Variants in ABCA8 observed in about 807,000 individuals in gnomAD.
ABCA8 encodes the protein ATP binding cassette subfamily A member 8, also known as ABC-type organic anion transporter ABCA8.
In ABCA8, 177 loss-of-function variants were observed where a neutral mutation model predicts 192.3. That is an observed-to-expected ratio of 0.92 (90% CI 0.81 to 1.04). The LOEUF (loss-of-function observed/expected upper bound fraction) is 1.04, where lower values mean the gene tolerates loss of function less well. ABCA8 is among the 50% of genes least tolerant of loss of function. The probability of loss-of-function intolerance (pLI) is 0.00; values close to 1 mark genes in which losing one functional copy is unlikely to be tolerated. For synonymous variants in ABCA8, 642 were observed against 690.2 expected (o/e 0.93, Z 1.09); for missense variants, 1,915 against 1,904.8 (o/e 1.01, Z -0.10).
At chr17:68,922,436 G>T in intron 11 of ABCA8, 136 bp from the exon 12 acceptor site, 1 of 592,364 alleles carries the variant, frequency 1.7e-6, no homozygotes, top group Non-Finnish European at 2.8e-6. Flanking sequence ...AGTCATAGCT[G>T]TGTGACAGAA....
intron 2 of ABCA8, among the ~76,000 whole-genome samples, chr17:68,943,409 T>C (rs531743746): frequency 3.9e-5 from 6 of 152,338 alleles, no homozygotes; most frequent in Admixed American, 2.6e-4. Context: ...ATTTGTACTA[T>C]GATAGGAAGT....
intron 36 of ABCA8, 107 bp from the exon 37 acceptor site, chr17:68,875,507 C>T (rs2081374918): frequency 3.1e-6 from 5 of 1,590,100 alleles, no homozygotes; most frequent in Non-Finnish European, 4.3e-6. Context: ...TATTGTTAGA[C>T]CTGGGCACAG....
Position 68,884,359 on chromosome 17 carries a change from T to C in ABCA8, c.3587A>G (p.Asp1196Gly), listed in dbSNP as rs1301230633. 2.5e-6 allele frequency: 4 copies of C among 1,591,544 alleles called. No homozygotes were observed. The highest frequency in any genetic ancestry group is 3.4e-6 in the Non-Finnish European group (4 of 1,172,696). The change falls in exon 28 of 40, where the codon GAT becomes GGT. Residue 1196 changes from aspartate to glycine, a missense_variant. Physicochemically the swap from Asp to Gly is moderately conservative, Grantham distance 94. Coordinates refer to ENST00000586539, the MANE Select transcript of ABCA8 (RefSeq NM_001288985.2). ...FSSLFSEERM[D>G]VQPFLVFLIP... ...TAGGAATACCAGAAATGGCTGTACATCCATTCGTTCTTCAGAAAAGAGAGA... is the reference window on the plus strand; with the variant it reads ...TAGGAATACCAGAAATGGCTGTACACCCATTCGTTCTTCAGAAAAGAGAGA...
chr17:68,897,343 G>A (rs2066792462), intron 21 of ABCA8, among the ~76,000 whole-genome samples: 1 of 152,174 alleles, frequency 6.6e-6, no homozygotes, highest in Non-Finnish European at 1.5e-5. Context: ...GGGGAAATGA[G>A]TAAACAATAA....
In ABCA8 at chr17:68,937,079, A is replaced by T; in HGVS notation, c.338T>A (p.Ile113Asn). ...EVLGLPDEESIKEFTANYPEE... is the reference protein window; with the variant it reads ...EVLGLPDEESNKEFTANYPEE... Reference sequence around the variant, plus strand: ...AGGATAATTTGCTGTGAATTCTTTAATACTTTCCTCATCTGGCAGTCCCAA... The same window carrying T: ...AGGATAATTTGCTGTGAATTCTTTATTACTTTCCTCATCTGGCAGTCCCAA... The change falls in exon 5 of 40, where the codon ATT becomes AAT. Residue 113 changes from isoleucine (I) to asparagine (N), a missense_variant. Physicochemically the swap from Ile to Asn is moderately radical, Grantham distance 149. Transcript: ENST00000586539. The T allele has an allele frequency of 6.2e-7, 1 of 1,609,540 alleles. No homozygotes were observed. Among genetic ancestry groups the T allele is most frequent in the Admixed American group, 1.7e-5 (1 of 59,140 alleles).
chr17:68,907,060 G>C (rs1312723185), intron 18 of ABCA8, among the ~76,000 whole-genome samples: 1 of 152,088 alleles, frequency 6.6e-6, no homozygotes, highest in Non-Finnish European at 1.5e-5. Context: ...AGCTAATAAT[G>C]AGTATTATGC....
Position 68,940,736 on chromosome 17 carries a change from CT to C in ABCA8, c.301+21del. On this transcript the variant is annotated intron_variant, in intron 4 of 39. Transcript: ENST00000586539. ...CCAAATATTCACACCAGACATTCTT[CT>C]TAAGTAACTAGAAAACTTACCTGCC... 3 of 1,587,458 alleles carry C rather than the reference CT, an allele frequency of 1.9e-6. No homozygotes were observed. In the South Asian group the frequency reaches 3.3e-5, roughly 18 times the overall value.
Position 68,876,700 on chromosome 17 carries a change from T to A in ABCA8, c.4203A>T (p.Leu1401Phe). ...KGDAEVAITRLVDALKLQDQL... is the reference protein window; with the variant it reads ...KGDAEVAITRFVDALKLQDQL... ...GGTCCTGCAGCTTGAGCGCATCCAC[T>A]AACCTGAAGGAAACAGGAGAGTCGT... is the stretch of plus-strand genomic sequence containing the variant. The change falls in exon 34 of 40, where the codon TTA becomes TTT. Residue 1401 changes from leucine to phenylalanine, a missense_variant. Transcript: ENST00000586539. 1.2e-6 allele frequency: 2 copies of A among 1,614,082 alleles called. No homozygotes were observed. Among genetic ancestry groups the A allele is most frequent in the Non-Finnish European group, 1.7e-6 (2 of 1,180,002 alleles).
Position 68,929,049 on chromosome 17 carries a change from C to A in ABCA8, c.1125G>T (p.Gln375His). 1 of 1,553,186 alleles carries A rather than the reference C, an allele frequency of 6.4e-7. No homozygotes were observed. Among genetic ancestry groups the A allele is most frequent in the Non-Finnish European group, 8.7e-7 (1 of 1,148,134 alleles). The change falls in exon 9 of 40, where the codon CAG becomes CAT. Residue 375 changes from glutamine to histidine, a missense_variant and splice_region_variant. Physicochemically the swap from Gln to His is conservative, Grantham distance 24. Transcript: ENST00000586539. ...SPFAFMLGMA[Q>H]LLHLDYDLNS... ...AATAGACATTCAGATGGCATCTCAC[C>A]TGGGCCATTCCAAGCATGAAGGCAA... is the stretch of plus-strand genomic sequence containing the variant.
intron 21 of ABCA8, among the ~76,000 whole-genome samples, chr17:68,900,538 CAAAAA>C (rs35696026): frequency 1.0e-4 from 11 of 108,868 alleles, no homozygotes; most frequent in African/African-American, 2.1e-4. Context: ...CACAAAGTCT[CAAAAA>C]AAAAAAAAAA....
chr17:68,910,661 G>A (rs934289910), intron 17 of ABCA8, among the ~76,000 whole-genome samples: 5 of 152,284 alleles, frequency 3.3e-5, no homozygotes, highest in Admixed American at 1.3e-4. Flanking sequence ...AGTGCAGCTC[G>A]CTGTTCCAGG....
intron 31 of ABCA8, 46 bp from the exon 32 acceptor site, chr17:68,881,257 A>C: frequency 7.6e-7 from 1 of 1,324,284 alleles, no homozygotes; most frequent in Non-Finnish European, 1.1e-6. Flanking sequence ...TAATGGTAAC[A>C]TTAAGAGTAA....
chr17:68,877,936 C>T, intron 32 of ABCA8: 1 of 375,028 alleles, frequency 2.7e-6, no homozygotes, highest in East Asian at 4.2e-5. Context: ...TCCATCCTGG[C>T]CAACAGTTTA....
intron 1 of ABCA8, among the ~76,000 whole-genome samples, chr17:68,951,990 A>G (rs2068579642): frequency 6.6e-6 from 1 of 152,116 alleles, no homozygotes; most frequent in African/African-American, 2.4e-5. Context: ...TTTACCTTCT[A>G]TTGAATTGAA....
chr17:68,936,793 T>C (rs573838877), intron 5 of ABCA8, among the ~76,000 whole-genome samples, 158 bp downstream of exon 5: 2 of 151,992 alleles, frequency 1.3e-5, no homozygotes, highest in Non-Finnish European at 2.9e-5. Flanking sequence ...TATGTTCTTA[T>C]GCCCAAAAAT....
At position 68,891,531 on chromosome 17, in the gene ABCA8, A is replaced by G; in HGVS notation, c.3102T>C (p.Ser1034=). Residue 1034 remains serine (S), a synonymous_variant, in exon 24 of 40, where the codon AGT becomes AGC. Transcript: ENST00000586539. ...YIMFWLVLTS[S]CPPYIAMSSI... Reference sequence around the variant, plus strand: ...TGCTCATGGCAATGTAAGGTGGGCAACTCGATGTTAAAACCAGCCAGAACA... The same window carrying G: ...TGCTCATGGCAATGTAAGGTGGGCAGCTCGATGTTAAAACCAGCCAGAACA... 1 of 1,613,318 alleles carries G rather than the reference A, an allele frequency of 6.2e-7. No homozygotes were observed. Among genetic ancestry groups the G allele is most frequent in the South Asian group, 1.1e-5 (1 of 91,070 alleles).
In ABCA8 at chr17:68,922,260, T is replaced by C. The variant is rs775281074; in HGVS notation, c.1483A>G (p.Lys495Glu). ...TTTTTACCTTTCAAGGCTTCTATTT[T>C]ATCAGGCTTTCCTTTATATTCTTTT... Reference protein sequence around the residue: ...VTKEYKGKPDKIEALKDLVFD... With the variant: ...VTKEYKGKPDEIEALKDLVFD... Residue 495 changes from lysine to glutamate, a missense_variant, in exon 12 of 40, where the codon AAA becomes GAA. Physicochemically the swap from Lys to Glu is moderately conservative, Grantham distance 56 (BLOSUM62 1). Coordinates refer to ENST00000586539, the MANE Select transcript of ABCA8 (RefSeq NM_001288985.2). 44 of 1,097,126 alleles carry C rather than the reference T, an allele frequency of 4.0e-5. No homozygotes were observed. Among genetic ancestry groups the C allele is most frequent in the Middle Eastern group, 5.6e-4 (2 of 3,564 alleles). The allele number at this position is 1,097,126 out of a possible 1,614,324, so 68.0% of individuals were successfully genotyped here. A position where few individuals can be genotyped will look rare whatever the true frequency, so the allele number is the denominator to read the frequency against.
At position 68,882,289 on chromosome 17, in the gene ABCA8, A is replaced by G. The variant is rs541599428; in HGVS notation, c.3829-309T>C. On this transcript the variant is annotated intron_variant, in intron 30 of 39. Coordinates refer to ENST00000586539, the MANE Select transcript of ABCA8 (RefSeq NM_001288985.2). ...AGCACTGATTATCCTCAAACAACAA[A>G]ACAAATGCTGTGGGCTGGACCTGAC... Among the ~76,000 whole-genome samples, 26 of 152,264 alleles carry G rather than the reference A, an allele frequency of 1.7e-4. 1 individual carries two copies. Among genetic ancestry groups the G allele is most frequent in the African/African-American group, 5.5e-4 (23 of 41,550 alleles).
intron 32 of ABCA8, chr17:68,879,744 A>G (rs900026923): frequency 2.0e-5 from 3 of 152,376 alleles, no homozygotes; most frequent in African/African-American, 7.2e-5. Context: ...GGCCAAGCCC[A>G]GGTGCTGTTG....
Sources: gnomAD v4.1 joint callset for allele counts (sites outside exome capture counted in the v4.1 genomes callset) on GRCh38, gnomAD v4.1.1 for gene constraint, MANE v1.5 for transcripts, NCBI Gene and HGNC (gene_info 2026-07-23, HGNC 2026-07-21) for gene names.